ATP2C1: variants seen among roughly 807,000 people sequenced by gnomAD.
ATP2C1 encodes calcium-transporting ATPase type 2C member 1.
A neutral mutation model predicts 120.5 loss-of-function variants in ATP2C1; 31 were observed. The ratio of observed to expected loss-of-function variants is 0.26; its 90% CI spans 0.19 to 0.35. The LOEUF (loss-of-function observed/expected upper bound fraction) is 0.35, where lower values mean the gene tolerates loss of function less well. Ranked by LOEUF, ATP2C1 falls within the 10% of genes least tolerant of loss-of-function variation. The probability of loss-of-function intolerance (pLI) is 1.00; values close to 1 mark genes in which losing one functional copy is unlikely to be tolerated. For synonymous variants in ATP2C1, 351 were observed against 358.7 expected, an observed-to-expected ratio of 0.98 and a Z score of 0.24; for missense variants, 731 against 1,107.5, an observed-to-expected ratio of 0.66 and a Z score of 4.83.
chr3:131,016,232 T>G (rs2063628418), exon 27 of ATP2C1: 1 of 1,614,184 alleles, frequency 6.2e-7, no homozygotes, highest in Non-Finnish European at 8.5e-7. Context: ...TGACAGAAGA[T>G]GTGAGCTGTG....
intron 11 of ATP2C1, among the ~76,000 whole-genome samples, chr3:130,956,960 G>GT (rs1047422156): frequency 5.3e-5 from 8 of 151,312 alleles, no homozygotes; most frequent in Non-Finnish European, 1.2e-4. Context: ...TGTTGTATAA[G>GT]TTTTTTTTTC....
At chr3:130,973,811 A>G (rs1403992748) in intron 17 of ATP2C1, among the ~76,000 whole-genome samples, 1 of 152,214 alleles carries the variant, frequency 6.6e-6, no homozygotes, top group Non-Finnish European at 1.5e-5. Flanking sequence ...ATAATAGAGC[A>G]AAGCCTTCAA....
intron 1 of ATP2C1, among the ~76,000 whole-genome samples, chr3:130,873,454 C>T (rs367701968): frequency 4.1e-4 from 62 of 152,260 alleles, no homozygotes; most frequent in African/African-American, 1.5e-3. Context: ...CTTTTGGTGT[C>T]TGTTCAGTGA....
intron 1 of ATP2C1, among the ~76,000 whole-genome samples, chr3:130,865,234 C>T (rs558007274): frequency 3.3e-5 from 5 of 152,130 alleles, no homozygotes; most frequent in African/African-American, 1.2e-4. Context: ...GTATGGGCCT[C>T]GTAACCCCTT....
At chr3:130,932,951 G>A (rs998753939) in intron 4 of ATP2C1, among the ~76,000 whole-genome samples, 2 of 152,132 alleles carry the variant, frequency 1.3e-5, no homozygotes, top group African/African-American at 4.8e-5. Flanking sequence ...AAGGTTGGAT[G>A]AACCTTGTGT....
chr3:130,938,350 A>G (rs2059757177), intron 6 of ATP2C1, among the ~76,000 whole-genome samples: 1 of 152,376 alleles, frequency 6.6e-6, no homozygotes, highest in East Asian at 1.9e-4. Context: ...ATTCTAGCTT[A>G]GAGAAAAATG....
At chr3:131,015,898 G>A in intron 26 of ATP2C1, 1 of 603,042 alleles carries the variant, frequency 1.7e-6, no homozygotes, top group South Asian at 1.7e-5. Context: ...ATTACTTAAA[G>A]GAACTGATTT....
chr3:131,004,525 G>C (rs985668811), downstream of ATP2C1, among the ~76,000 whole-genome samples: 24 of 152,200 alleles, frequency 1.6e-4, no homozygotes, highest in Admixed American at 9.8e-4. Flanking sequence ...GATTTAAAAA[G>C]AAAAAGTAGT....
At chr3:130,853,388 G>A (rs2067737756) in intron 1 of ATP2C1, among the ~76,000 whole-genome samples, 1 of 152,190 alleles carries the variant, frequency 6.6e-6, no homozygotes, top group African/African-American at 2.4e-5. Context: ...AAATGATTCA[G>A]TGTTATTGAA....
chr3:130,930,530 A>G lies in ATP2C1; in HGVS notation c.117+4A>G. ...TGAAGTTGCAAGCATTCTCCAAGTA[A>G]GTGGTTAGTGGGGAGGAAGGGACTA... On this transcript the variant is annotated splice_donor_region_variant and intron_variant, in intron 3 of 27. Transcript: ENST00000510168. 2.5e-6 allele frequency: 4 copies of G among 1,570,240 alleles called. No individual in the cohort carries two copies. The highest frequency in any genetic ancestry group is 2.6e-6 in the Non-Finnish European group (3 of 1,139,990).
intron 8 of ATP2C1, among the ~76,000 whole-genome samples, chr3:130,949,621 C>T (rs1264884302): frequency 6.6e-6 from 1 of 151,628 alleles, no homozygotes; most frequent in Non-Finnish European, 1.5e-5. Context: ...GATGAAACAG[C>T]TGTATCTTCT....
In ATP2C1 at chr3:130,918,425, G is replaced by A. The variant is rs555580872; in HGVS notation, c.7-11991G>A. 8.5e-5 allele frequency: 85 copies of A among 999,412 alleles called. 1 individual carries two copies. In the South Asian group the frequency reaches 9.8e-4, roughly 11 times the overall value. The allele number at this position is 999,412 out of a possible 1,614,324, so 61.9% of individuals were successfully genotyped here. ...CAGTTACCTTCTCAGCAGCATGTAC[G>A]GAATCCCCACATCTGGAACACTTCT... is the stretch of plus-strand genomic sequence containing the variant. On this transcript the variant is annotated intron_variant, in intron 2 of 27. Transcript: ENST00000510168.
rs1164043065 is a variant in ATP2C1, at chr3:131,002,842, G to A, written c.*1492G>A. 5.1e-6 allele frequency: 5 copies of A among 985,686 alleles called. No homozygotes were observed. Among genetic ancestry groups the A allele is most frequent in the African/African-American group, 1.7e-5 (1 of 57,224 alleles). 61.1% of individuals were successfully genotyped at this position (985,686 alleles called of 1,614,324 possible). ...GTCATTGTTACTGAGGCAGTTGAGT[G>A]TAAGGAGCTGGCTGCAGTTTATTCT... On this transcript the variant is annotated 3_prime_UTR_variant, in exon 28 of 28. Transcript: ENST00000510168.
chr3:130,893,046 T>C (rs138050179), upstream of ATP2C1, among the ~76,000 whole-genome samples: 492 of 152,306 alleles, frequency 3.2e-3, 8 homozygotes, highest in South Asian at 0.031. Flanking sequence ...TGTAGGATGA[T>C]CACCAACTCA....
At chr3:130,902,297 G>GTTT (rs398052267) in intron 2 of ATP2C1, among the ~76,000 whole-genome samples, 4 of 13,246 alleles carry the variant, frequency 3.0e-4, no homozygotes, top group South Asian at 3.4e-3. Context: ...TTTTTTTTTT[G>GTTT]TTTTTTTTTT....
intron 20 of ATP2C1, among the ~76,000 whole-genome samples, chr3:130,984,300 A>G (rs1215464121): frequency 6.6e-6 from 1 of 152,146 alleles, no homozygotes; most frequent in Admixed American, 6.6e-5. Context: ...ATTTTTTACC[A>G]CTGCCCTTAT....
chr3:130,892,315 C>T (rs1285484116), upstream of ATP2C1, among the ~76,000 whole-genome samples: 1 of 152,136 alleles, frequency 6.6e-6, no homozygotes, highest in Non-Finnish European at 1.5e-5. Context: ...TAATATAATG[C>T]TGTTTCAAGG....
intron 16 of ATP2C1, among the ~76,000 whole-genome samples, chr3:130,967,937 T>G (rs1356478593): frequency 2.6e-5 from 4 of 152,150 alleles, no homozygotes; most frequent in Non-Finnish European, 4.4e-5. Context: ...TCCCAATCCG[T>G]CTCCTTATCC....
In ATP2C1 at chr3:130,979,256, T is replaced by C; in HGVS notation, c.1578T>C (p.Ala526=). 1.2e-6 allele frequency: 2 copies of C among 1,613,728 alleles called. No individual in the cohort carries two copies. Among genetic ancestry groups the C allele is most frequent in the Non-Finnish European group, 1.7e-6 (2 of 1,179,706 alleles). Residue 526 remains alanine (A), a synonymous_variant, in exon 19 of 28, where the codon GCT becomes GCC. Transcript: ENST00000510168. Reference sequence around the variant, plus strand: ...ATTTTATTATTTCCTAAGTTCTTGCTTTGGCTTCTGGTCCTGAACTGGGAC... The same window carrying C: ...ATTTTATTATTTCCTAAGTTCTTGCCTTGGCTTCTGGTCCTGAACTGGGAC... The part of the protein sequence containing the change: ...RMGSAGLRVL[A]LASGPELGQL...
Sources: allele counts gnomAD v4.1 joint callset (sites outside exome capture counted in the v4.1 genomes callset), GRCh38; gene constraint gnomAD v4.1.1; transcripts MANE v1.5; gene names NCBI Gene and HGNC (gene_info 2026-07-23, HGNC 2026-07-21).